The following CD300LD variants were observed in gnomAD, a reference collection of about 807,000 sequenced individuals.
CD300LD encodes the protein CD300 molecule like family member d.
In CD300LD, 18 loss-of-function variants were observed where a neutral mutation model predicts 20.3. The ratio of observed to expected loss-of-function variants is 0.89; its 90% CI spans 0.61 to 1.32. CD300LD has a LOEUF of 1.32. Ranked by LOEUF, CD300LD falls within the 40% of genes most tolerant of loss-of-function variation. CD300LD has a pLI of 0.00. For missense variants in CD300LD, 195 were observed against 226.6 expected (o/e 0.86, Z 0.90); for synonymous variants, 104 against 90.1 (o/e 1.15, Z -0.87).
rs186264456 is a variant in CD300LD at position 74,588,591 on chromosome 17, T to C, written c.299A>G (p.Asp100Gly). 8.2e-4 allele frequency: 1,320 copies of C among 1,614,158 alleles called. 8 individuals are homozygous for C. The highest frequency in any genetic ancestry group is 3.5e-3 in the East Asian group (156 of 44,886). Residue 100 changes from aspartate to glycine, a missense_variant, in exon 2 of 4, where the codon GAT (aspartate) becomes GGT (glycine). Physicochemically the swap from Asp to Gly is moderately conservative, Grantham distance 94 (BLOSUM62 -1). Coordinates refer to ENST00000375352, the MANE Select transcript of CD300LD (RefSeq NM_001115152.2). ...FTVTMENLKR[D>G]DADSYWCGTE... is the part of the protein sequence containing the mutation. The stretch of plus-strand genomic sequence containing the variant: ...CCCACACCAATAACTGTCAGCATCA[T>C]CTCTTTTGAGATTCTCCATGGTCAC...
In CD300LD at chr17:74,592,216, C is replaced by T. The variant is rs765483888; in HGVS notation, c.-14G>A. On this transcript the variant is annotated 5_prime_UTR_variant, in exon 1 of 4. Coordinates refer to ENST00000375352, the MANE Select transcript of CD300LD (RefSeq NM_001115152.2). ...GGACAGCCACATGGTCCTGTCTCCT[C>T]TCCTCTCCTTGGTGATCACAGGTGT... 6.2e-7 allele frequency: 1 copy of T among 1,614,184 alleles called. No individual in the cohort carries two copies. The highest frequency in any genetic ancestry group is 8.5e-7 in the Non-Finnish European group (1 of 1,180,010).
intron 2 of CD300LD, among the ~76,000 whole-genome samples, chr17:74,582,840 G>A (rs1463598770): frequency 6.6e-6 from 1 of 152,110 alleles, no homozygotes; most frequent in African/African-American, 2.4e-5. Flanking sequence ...TATGTCTGAT[G>A]CATCCCAGCC....
At chr17:74,591,931 T>C in intron 1 of CD300LD, 1 of 1,248,266 alleles carries the variant, frequency 8.0e-7, no homozygotes, top group Non-Finnish European at 1.1e-6. Context: ...TGAGAACCAC[T>C]GTTCCAACAA....
At chr17:74,584,598 T>G (rs1414598780) in intron 2 of CD300LD, 2 of 152,288 alleles carry the variant, frequency 1.3e-5, no homozygotes, top group East Asian at 3.9e-4. Flanking sequence ...GTACCTGTAA[T>G]AAATCAAGCA....
chr17:74,586,325 A>G lies in CD300LD; in HGVS notation c.379+2186T>C, dbSNP rs139547052. 3.9e-5 allele frequency among the ~76,000 whole-genome samples: 6 copies of G among 152,318 alleles called. No homozygotes were observed. In the East Asian group the frequency reaches 9.6e-4, roughly 24 times the overall value. On this transcript the variant is annotated intron_variant, in intron 2 of 3. Transcript: ENST00000375352. The stretch of plus-strand genomic sequence containing the variant: ...AAGGAGCAAATCCTAAAATGGGAAA[A>G]TGTTATAATTGTGGAAAAATCGGAC...
intron 2 of CD300LD, among the ~76,000 whole-genome samples, chr17:74,587,806 C>T (rs186085468): frequency 1.2e-4 from 18 of 152,150 alleles, no homozygotes; most frequent in African/African-American, 3.9e-4. Flanking sequence ...GGAACCATCA[C>T]CCTGTCATCT....
intron 3 of CD300LD, 95 bp from the exon 4 acceptor site, chr17:74,580,208 A>AT: frequency 1.2e-6 from 1 of 827,906 alleles, no homozygotes; most frequent in Admixed American, 2.1e-5. Flanking sequence ...TCCAATGTCT[A>AT]TGTGAGGGTA....
At chr17:74,580,697 C>T (rs1598126163) in intron 3 of CD300LD, among the ~76,000 whole-genome samples, 2 of 152,100 alleles carry the variant, frequency 1.3e-5, no homozygotes, top group East Asian at 1.9e-4. Context: ...CCCAGGGTCT[C>T]GACCTCCCAA....
At position 74,588,652 on chromosome 17, in the gene CD300LD, A is replaced by T. The variant is rs370521746; in HGVS notation, c.238T>A (p.Ser80Thr). Residue 80 changes from serine to threonine, a missense_variant, in exon 2 of 4, where the codon TCC (serine) becomes ACC (threonine). Transcript: ENST00000375352. ...TGGTTTTTCTGATTGTCCCTGATGG[A>T]AACTCGATTCTTCTTTACCTCCTGC... ...SEQEVKKNRV[S>T]IRDNQKNHVF... The T allele has an allele frequency of 1.9e-6, 3 of 1,614,190 alleles. No individual in the cohort carries two copies. Among genetic ancestry groups the T allele is most frequent in the Non-Finnish European group, 1.7e-6 (2 of 1,180,028 alleles).
At chr17:74,581,031 C>T (rs1230442583) in intron 3 of CD300LD, among the ~76,000 whole-genome samples, 2 of 151,870 alleles carry the variant, frequency 1.3e-5, no homozygotes, top group East Asian at 1.9e-4. Flanking sequence ...CAGCAGGCCA[C>T]GGGTCAAAAT....
intron 3 of CD300LD, among the ~76,000 whole-genome samples, chr17:74,580,738 C>T (rs2030014190): frequency 6.6e-6 from 1 of 151,976 alleles, no homozygotes; most frequent in Non-Finnish European, 1.5e-5. Flanking sequence ...TTCACCTCAG[C>T]GCAACTTGAA....
intron 3 of CD300LD, among the ~76,000 whole-genome samples, chr17:74,581,927 G>A (rs1023312184): frequency 2.6e-5 from 4 of 152,222 alleles, no homozygotes; most frequent in African/African-American, 9.6e-5. Context: ...AACAGCAGGG[G>A]CCTATGGGGG....
chr17:74,589,605 C>T (rs1317178838), intron 1 of CD300LD, among the ~76,000 whole-genome samples: 1 of 152,192 alleles, frequency 6.6e-6, no homozygotes, highest in African/African-American at 2.4e-5. Flanking sequence ...CAATTTGATC[C>T]AGGACAAGAC....
At position 74,588,835 on chromosome 17, in the gene CD300LD, C is replaced by T. The variant is rs770203986; in HGVS notation, c.55G>A (p.Ala19Thr). ...ACTGTTGTTGGACCAGTGATTTTAGCGGCAATGGAGTAACCTGGAAAACGC... is the reference window on the plus strand; with the variant it reads ...ACTGTTGTTGGACCAGTGATTTTAGTGGCAATGGAGTAACCTGGAAAACGC... ...LLILPGYSIA[A>T]KITGPTTVNG... The change falls in exon 2 of 4, where the codon GCT becomes ACT. Residue 19 changes from alanine (A) to threonine (T), a missense_variant. Ala to Thr is a moderately conservative substitution (Grantham distance 58). Transcript: ENST00000375352. 61 of 1,607,286 alleles carry T rather than the reference C, an allele frequency of 3.8e-5. No individual in the cohort carries two copies. Among genetic ancestry groups the T allele is most frequent in the Non-Finnish European group, 4.8e-5 (56 of 1,174,600 alleles).
intron 2 of CD300LD, among the ~76,000 whole-genome samples, chr17:74,585,323 C>T (rs909839925): frequency 1.3e-5 from 2 of 152,104 alleles, no homozygotes; most frequent in Non-Finnish European, 2.9e-5. Flanking sequence ...CCATTATCTT[C>T]TTCTTATTCT....
chr17:74,582,615 G>A (rs551522132), intron 2 of CD300LD, among the ~76,000 whole-genome samples: 1 of 152,272 alleles, frequency 6.6e-6, no homozygotes, highest in East Asian at 1.9e-4. Flanking sequence ...TCTGAGTCTC[G>A]GCCACAGCCG....
chr17:74,584,111 A>C (rs939262290), intron 2 of CD300LD, among the ~76,000 whole-genome samples: 6 of 152,154 alleles, frequency 3.9e-5, no homozygotes, highest in African/African-American at 7.2e-5. Flanking sequence ...GTTTTTTGCT[A>C]TTACAAATAA....
chr17:74,583,084 G>A (rs1408550145), intron 2 of CD300LD, among the ~76,000 whole-genome samples: 2 of 151,952 alleles, frequency 1.3e-5, no homozygotes, highest in African/African-American at 2.4e-5. Flanking sequence ...GTGTATACCC[G>A]GTAACACCAC....
chr17:74,588,607 C>T lies in CD300LD; in HGVS notation c.283G>A (p.Glu95Lys). The T allele has an allele frequency of 6.2e-7, 1 of 1,614,090 alleles. No individual in the cohort carries two copies. Among genetic ancestry groups the T allele is most frequent in the Non-Finnish European group, 8.5e-7 (1 of 1,179,948 alleles). ...QKNHVFTVTMENLKRDDADSY... is the reference protein window; with the variant it reads ...QKNHVFTVTMKNLKRDDADSY... Reference sequence around the variant, plus strand: ...TCAGCATCATCTCTTTTGAGATTCTCCATGGTCACGGTGAACACGTGGTTT... The same window carrying T: ...TCAGCATCATCTCTTTTGAGATTCTTCATGGTCACGGTGAACACGTGGTTT... Residue 95 changes from glutamate (E) to lysine (K), a missense_variant, in exon 2 of 4, where the codon GAG becomes AAG. Physicochemically the swap from Glu to Lys is moderately conservative, Grantham distance 56. Coordinates refer to ENST00000375352, the MANE Select transcript of CD300LD (RefSeq NM_001115152.2).
Sources: gnomAD v4.1 joint callset for allele counts (sites outside exome capture counted in the v4.1 genomes callset) on GRCh38, gnomAD v4.1.1 for gene constraint, MANE v1.5 for transcripts, NCBI Gene and HGNC (gene_info 2026-07-23, HGNC 2026-07-21) for gene names.